The following CCDC38 variants were observed in gnomAD, a reference collection of about 807,000 sequenced individuals.
The protein encoded by CCDC38 is coiled-coil domain containing 38.
Under a neutral mutation model 72.8 loss-of-function variants are expected in CCDC38, and 69 were observed. The ratio of observed to expected loss-of-function variants is 0.95; its 90% CI spans 0.78 to 1.16. The LOEUF (loss-of-function observed/expected upper bound fraction) is 1.16, where lower values mean the gene tolerates loss of function less well. CCDC38 is among the 50% of genes most tolerant of loss of function. CCDC38 has a pLI of 0.00. For synonymous variants in CCDC38, 201 were observed against 213.2 expected (o/e 0.94, Z 0.50); for missense variants, 626 against 638.9 (o/e 0.98, Z 0.22).
chr12:95,905,117 A>C (rs1007912446), intron 5 of CCDC38, among the ~76,000 whole-genome samples: 2 of 152,230 alleles, frequency 1.3e-5, no homozygotes, highest in Non-Finnish European at 2.9e-5. Context: ...ACCAATGTAA[A>C]TGCTATATAT....
chr12:95,904,867 G>T (rs1282229338), intron 5 of CCDC38, among the ~76,000 whole-genome samples: 1 of 152,184 alleles, frequency 6.6e-6, no homozygotes, highest in Non-Finnish European at 1.5e-5. Context: ...GATTAAGTAT[G>T]ATATAGATTA....
chr12:95,902,025 T>C (rs1489915924), intron 5 of CCDC38, among the ~76,000 whole-genome samples: 3 of 152,184 alleles, frequency 2.0e-5, no homozygotes, highest in Non-Finnish European at 4.4e-5. Context: ...TGAAAACTAT[T>C]ACAAGTTACC....
At chr12:95,932,659 T>A (rs2080350662) in intron 2 of CCDC38, among the ~76,000 whole-genome samples, 1 of 152,226 alleles carries the variant, frequency 6.6e-6, no homozygotes, top group Non-Finnish European at 1.5e-5. Flanking sequence ...GAGTCATGTT[T>A]GTGGATAGAG....
At chr12:95,903,620 G>C (rs2079972356) in intron 5 of CCDC38, 1 of 548,316 alleles carries the variant, frequency 1.8e-6, no homozygotes, top group Admixed American at 3.2e-5. Flanking sequence ...ATATTGTTGA[G>C]TGGTTTTTCT....
At chr12:95,867,749 T>TA (rs1398335147) in intron 15 of CCDC38, among the ~76,000 whole-genome samples, 14 of 152,230 alleles carry the variant, frequency 9.2e-5, no homozygotes, top group Non-Finnish European at 1.6e-4. Context: ...TCAAATATAT[T>TA]ACTACTTATT....
chr12:95,893,461 T>G (rs1186445341), intron 8 of CCDC38, among the ~76,000 whole-genome samples: 1 of 91,378 alleles, frequency 1.1e-5, no homozygotes, highest in African/African-American at 5.4e-5. Flanking sequence ...CTTCTTTCCC[T>G]CTCTCTCTTT....
chr12:95,896,146 C>T (rs560930810), intron 7 of CCDC38, among the ~76,000 whole-genome samples: 1 of 151,404 alleles, frequency 6.6e-6, no homozygotes, highest in South Asian at 2.1e-4. Flanking sequence ...CCTATTACTA[C>T]AGGCAGGACA....
chr12:95,892,278 CTTTT>C (rs774500212), intron 8 of CCDC38, among the ~76,000 whole-genome samples: 20 of 76,008 alleles, frequency 2.6e-4, no homozygotes, highest in South Asian at 1.7e-3. Context: ...TTATTACAAT[CTTTT>C]TTTTTTTTTT....
At chr12:95,882,801 C>T (rs1565945028) in intron 10 of CCDC38, among the ~76,000 whole-genome samples, 1 of 152,222 alleles carries the variant, frequency 6.6e-6, no homozygotes, top group Non-Finnish European at 1.5e-5. Flanking sequence ...ATGACTCTCA[C>T]ATCTCTATCT....
At chr12:95,868,708 C>G (rs150037536) in intron 15 of CCDC38, among the ~76,000 whole-genome samples, 1 of 152,130 alleles carries the variant, frequency 6.6e-6, no homozygotes, top group African/African-American at 2.4e-5. Flanking sequence ...CAGATGCTAT[C>G]CCAGAGGAGG....
chr12:95,936,527 T>C lies in CCDC38; in HGVS notation c.-14-4A>G, dbSNP rs1422581747. 1.9e-6 allele frequency: 3 copies of C among 1,578,506 alleles called. No homozygotes were observed. Among genetic ancestry groups the C allele is most frequent in the South Asian group, 2.2e-5 (2 of 89,288 alleles). ...GAGGACATTTTCTTGCCTGGCCCTGTTGAAAGAAAAAAAAATACGTTTTTT... is the reference window on the plus strand; with the variant it reads ...GAGGACATTTTCTTGCCTGGCCCTGCTGAAAGAAAAAAAAATACGTTTTTT... On this transcript the variant is annotated splice_polypyrimidine_tract_variant and splice_region_variant and intron_variant, in intron 1 of 15. Coordinates refer to ENST00000344280, the MANE Select transcript of CCDC38 (RefSeq NM_182496.3).
intron 10 of CCDC38, among the ~76,000 whole-genome samples, chr12:95,883,828 T>C (rs1380354113): frequency 3.3e-5 from 5 of 152,174 alleles, no homozygotes; most frequent in Non-Finnish European, 5.9e-5. Context: ...AGGGAGCGAA[T>C]GTGGTGTCTG....
At chr12:95,929,263 G>C (rs10777755) in intron 2 of CCDC38, among the ~76,000 whole-genome samples, 65,809 of 152,020 alleles carry the variant, frequency 0.43, 14,632 homozygotes, top group Admixed American at 0.55. Context: ...TTAAGCCCAT[G>C]GGAAAAGCGC....
chr12:95,876,147 A>G (rs1565942321), intron 13 of CCDC38, among the ~76,000 whole-genome samples: 1 of 152,228 alleles, frequency 6.6e-6, no homozygotes, highest in Non-Finnish European at 1.5e-5. Context: ...ACAAGCTGCA[A>G]CATGGATGAA....
At chr12:95,922,405 G>A (rs1400340484) in intron 2 of CCDC38, among the ~76,000 whole-genome samples, 1 of 152,210 alleles carries the variant, frequency 6.6e-6, no homozygotes, top group African/African-American at 2.4e-5. Flanking sequence ...TTGCACTCAG[G>A]AGCACAGTGA....
chr12:95,929,976 C>T (rs993288930), intron 2 of CCDC38, among the ~76,000 whole-genome samples: 2 of 152,038 alleles, frequency 1.3e-5, no homozygotes, highest in African/African-American at 4.8e-5. Flanking sequence ...CCTTTTCTTT[C>T]TTTTATAAGG....
chr12:95,915,496 T>G (rs1211936856), intron 4 of CCDC38, among the ~76,000 whole-genome samples: 1 of 152,214 alleles, frequency 6.6e-6, no homozygotes, highest in Non-Finnish European at 1.5e-5. Context: ...TGCATGTGAT[T>G]TCTTTGATGG....
chr12:95,877,537 T>A (rs574708693), intron 13 of CCDC38, among the ~76,000 whole-genome samples: 1 of 152,302 alleles, frequency 6.6e-6, no homozygotes, highest in East Asian at 1.9e-4. Flanking sequence ...CATTTGAGGT[T>A]TTTATAAGGT....
chr12:95,918,876 C>T lies in CCDC38; in HGVS notation c.138G>A (p.Thr46=), dbSNP rs139084164. 21 of 1,579,930 alleles carry T rather than the reference C, an allele frequency of 1.3e-5. No homozygotes were observed. In the African/African-American group the frequency reaches 1.6e-4, roughly 12 times the overall value. ...GGTTGTGATTTTAATTAAACTTTAC[C>T]GTTTCCTTTGCTGCCATTTCATTTT... is the stretch of plus-strand genomic sequence containing the variant. ...VKENEMAAKE[T]EKFMNRNMKV... is the part of the protein sequence containing the mutation. The change falls in exon 3 of 16, where the codon ACG becomes ACA. Residue 46 remains threonine, a splice_region_variant and synonymous_variant. Transcript: ENST00000344280.
Sources: gnomAD v4.1 joint callset for allele counts (sites outside exome capture counted in the v4.1 genomes callset) on GRCh38, gnomAD v4.1.1 for gene constraint, MANE v1.5 for transcripts, NCBI Gene and HGNC (gene_info 2026-07-23, HGNC 2026-07-21) for gene names.